The following XRCC4 variants were observed in gnomAD, a reference collection of about 807,000 sequenced individuals.
The protein encoded by XRCC4 is X-ray repair cross complementing 4.
A neutral mutation model predicts 39.1 loss-of-function variants in XRCC4; 28 were observed. The observed-to-expected ratio is 0.72, with a 90% CI of 0.53 to 0.98. The LOEUF (loss-of-function observed/expected upper bound fraction) is 0.98. Among genes scored for constraint, XRCC4 ranks in the 50% least tolerant of loss-of-function variants. The pLI, the probability that XRCC4 is intolerant of heterozygous loss-of-function variation, is 0.00. For synonymous variants in XRCC4, 123 were observed against 126.4 expected, an observed-to-expected ratio of 0.97 and a Z score of 0.18; for missense variants, 350 against 376.4, an observed-to-expected ratio of 0.93 and a Z score of 0.58.
chr5:83,352,485 T>TACATAAATA (rs1191687965), intron 7 of XRCC4, among the ~76,000 whole-genome samples: 1 of 152,192 alleles, frequency 6.6e-6, no homozygotes, highest in East Asian at 1.9e-4. Flanking sequence ...GCCTGTTATC[T>TACATAAATA]TAGGATTCAA....
chr5:83,369,276 G>C, the XRCC4 span, among the ~76,000 whole-genome samples: 6 of 152,116 alleles, frequency 3.9e-5, no homozygotes, highest in East Asian at 1.2e-3. Flanking sequence ...AGAATCAGAG[G>C]GCGCATGGGC....
chr5:83,180,931 A>G (rs1273823174), intron 3 of XRCC4, among the ~76,000 whole-genome samples: 1 of 152,038 alleles, frequency 6.6e-6, no homozygotes, highest in East Asian at 1.9e-4. Flanking sequence ...TTTAATTTTT[A>G]TCTTATCAAA....
intron 1 of XRCC4, among the ~76,000 whole-genome samples, chr5:83,086,519 G>T (rs530150687): frequency 3.0e-4 from 45 of 152,262 alleles, no homozygotes; most frequent in African/African-American, 1.0e-3. Flanking sequence ...CATCATAAAG[G>T]TCTTCATTCT....
chr5:83,177,194 AACAGCCTTT>A (rs1277865851), intron 3 of XRCC4, among the ~76,000 whole-genome samples: 2 of 152,102 alleles, frequency 1.3e-5, no homozygotes, highest in Non-Finnish European at 2.9e-5. Context: ...TTTATTTTGA[AACAGCCTTT>A]AAGGTAGGTT....
Position 83,204,895 on chromosome 5 carries a change from A to G in XRCC4, c.719A>G (p.Gln240Arg), listed in dbSNP as rs2974446. The change falls in exon 6 of 8, where the codon CAA becomes CGA. Residue 240 changes from glutamine (Q) to arginine (R), a missense_variant. Transcript: ENST00000396027. ...DESTDEESEN[Q>R]TDLSGLASAA... ...AGTACTGATGAGGAAAGTGAAAACC[A>G]AACTGATCTCTCTGGGTTGGCTTCA... 2.5e-6 allele frequency: 4 copies of G among 1,612,112 alleles called. No individual in the cohort carries two copies. Among genetic ancestry groups the G allele is most frequent in the African/African-American group, 2.7e-5 (2 of 74,886 alleles).
intron 7 of XRCC4, among the ~76,000 whole-genome samples, chr5:83,322,510 G>A (rs1162068133): frequency 1.3e-5 from 2 of 152,084 alleles, no homozygotes; most frequent in Admixed American, 1.3e-4. Flanking sequence ...CCCAACCGCC[G>A]CATGCGCATG....
chr5:83,133,124 G>A (rs1024755579), intron 3 of XRCC4, among the ~76,000 whole-genome samples: 1 of 151,926 alleles, frequency 6.6e-6, no homozygotes, highest in Non-Finnish European at 1.5e-5. Context: ...ACCCTCAGCT[G>A]TAGGTCTGTT....
chr5:83,321,595 ATC>A (rs1756076314), intron 7 of XRCC4, among the ~76,000 whole-genome samples: 1 of 152,158 alleles, frequency 6.6e-6, no homozygotes, highest in Admixed American at 6.6e-5. Context: ...ATTATTGTTA[ATC>A]TCAGCATACT....
At chr5:83,346,823 G>T (rs1756931046) in intron 7 of XRCC4, among the ~76,000 whole-genome samples, 2 of 152,106 alleles carry the variant, frequency 1.3e-5, no homozygotes, top group African/African-American at 4.8e-5. Context: ...CCTTGTGGAA[G>T]GTTTAGAATT....
At chr5:83,138,872 G>A (rs1189093337) in intron 3 of XRCC4, among the ~76,000 whole-genome samples, 1 of 151,886 alleles carries the variant, frequency 6.6e-6, no homozygotes, top group East Asian at 1.9e-4. Context: ...ATAGTTCTTG[G>A]TCATTTATGT....
At chr5:83,148,096 C>T (rs773489570) in intron 3 of XRCC4, among the ~76,000 whole-genome samples, 7 of 151,908 alleles carry the variant, frequency 4.6e-5, no homozygotes, top group Admixed American at 1.3e-4. Flanking sequence ...AACTAACAAC[C>T]GATAAATTCA....
chr5:83,162,765 G>A (rs919176604), intron 3 of XRCC4, among the ~76,000 whole-genome samples: 5 of 152,094 alleles, frequency 3.3e-5, no homozygotes, highest in African/African-American at 1.2e-4. Flanking sequence ...TGAATACGAT[G>A]GGAACAGAGG....
At chr5:83,298,229 TGAA>T (rs1485641442) in intron 7 of XRCC4, among the ~76,000 whole-genome samples, 3 of 147,554 alleles carry the variant, frequency 2.0e-5, no homozygotes, top group Non-Finnish European at 4.4e-5. Flanking sequence ...CTATGTGTGT[TGAA>T]AAAAAAAAAC....
intron 1 of XRCC4, among the ~76,000 whole-genome samples, chr5:83,085,857 T>A (rs1745157868): frequency 6.6e-6 from 1 of 152,214 alleles, no homozygotes; most frequent in Non-Finnish European, 1.5e-5. Flanking sequence ...TAGAAAATCA[T>A]ATTATAGATC....
chr5:83,123,707 A>G (rs968283801), intron 3 of XRCC4, among the ~76,000 whole-genome samples: 118 of 151,192 alleles, frequency 7.8e-4, no homozygotes, highest in Non-Finnish European at 6.8e-4. Context: ...TGCTATTTTT[A>G]TGTTTGCTTT....
chr5:83,148,701 A>C (rs573977035), intron 3 of XRCC4, among the ~76,000 whole-genome samples: 1 of 152,168 alleles, frequency 6.6e-6, no homozygotes, highest in East Asian at 1.9e-4. Flanking sequence ...TAAGTGCTCA[A>C]TTTATGTTAT....
intron 6 of XRCC4, among the ~76,000 whole-genome samples, chr5:83,228,022 A>G (rs1007140594): frequency 6.6e-6 from 1 of 152,042 alleles, no homozygotes; most frequent in Non-Finnish European, 1.5e-5. Context: ...TCCTCTGGCT[A>G]GACTTGGAAA....
At chr5:83,167,044 G>A (rs186148910) in intron 3 of XRCC4, among the ~76,000 whole-genome samples, 1 of 151,386 alleles carries the variant, frequency 6.6e-6, no homozygotes, top group Admixed American at 6.6e-5. Flanking sequence ...ACCATGCCTG[G>A]CTAATTTTTC....
chr5:83,240,370 A>G (rs567544326), intron 6 of XRCC4, among the ~76,000 whole-genome samples: 9 of 152,266 alleles, frequency 5.9e-5, no homozygotes, highest in African/African-American at 1.9e-4. Flanking sequence ...AGAAGACACA[A>G]GGGGTATTGG....
Sources: allele counts gnomAD v4.1 joint callset (sites outside exome capture counted in the v4.1 genomes callset), GRCh38; gene constraint gnomAD v4.1.1; transcripts MANE v1.5; gene names NCBI Gene and HGNC (gene_info 2026-07-23, HGNC 2026-07-21).